Variants in DUS1L observed in about 807,000 individuals in gnomAD.
DUS1L encodes tRNA-dihydrouridine(16/17) synthase [NAD(P)(+)]-like.
A neutral mutation model predicts 61.2 loss-of-function variants in DUS1L; 56 were observed. The observed-to-expected ratio is 0.92, with a 90% CI of 0.74 to 1.14. The LOEUF is 1.14. Among genes scored for constraint, DUS1L ranks in the 50% most tolerant of loss-of-function variants. DUS1L has a pLI of 0.00. For missense variants in DUS1L, 630 were observed against 632.4 expected (o/e 1.00, Z 0.04); for synonymous variants, 278 against 259.5 (o/e 1.07, Z -0.69).
At chr17:82,061,774 T>C in intron 6 of DUS1L, 53 bp from the exon 7 acceptor site, 1 of 1,600,998 alleles carries the variant, frequency 6.2e-7, no homozygotes, top group East Asian at 2.2e-5. Flanking sequence ...ACCCAGGTGA[T>C]GCTGCCCCCA....
At position 82,059,972 on chromosome 17, in the gene DUS1L, T is replaced by C. The variant is rs1314320139; in HGVS notation, c.1144A>G (p.Lys382Glu). Residue 382 changes from lysine (K) to glutamate (E), a missense_variant, in exon 11 of 14, where the codon AAG becomes GAG. Coordinates refer to ENST00000306796, the MANE Select transcript of DUS1L (RefSeq NM_022156.5). ...CGCTTCAGAGAGGGGTCGAAGGTCT[T>C]GTGGGGGTTCCTCAGCTGCTTCTTT... The part of the protein sequence containing the change: ...KQKKQLRNPH[K>E]TFDPSLKPKY... The C allele has an allele frequency of 1.2e-6, 2 of 1,613,812 alleles. No homozygotes were observed. The highest frequency in any genetic ancestry group is 1.7e-6 in the Non-Finnish European group (2 of 1,179,976).
chr17:82,064,731 G>A, intron 2 of DUS1L, 92 bp downstream of exon 2: 3 of 1,306,512 alleles, frequency 2.3e-6, no homozygotes, highest in South Asian at 2.8e-5. Flanking sequence ...AAGGCTGAAA[G>A]TGATGTCCCG....
intron 2 of DUS1L, 131 bp downstream of exon 2, chr17:82,064,692 T>C (rs1048773767): frequency 4.3e-6 from 4 of 936,694 alleles, no homozygotes; most frequent in Non-Finnish European, 6.3e-6. Flanking sequence ...ACCTTCTCCC[T>C]CTCCTCCTGG....
At position 82,058,668 on chromosome 17, in the gene DUS1L, C is replaced by T. The variant is rs773990146; in HGVS notation, c.1206+113G>A. ...GAGGCATCCATGCCACCTTGAGCCA[C>T]GTTGCAAACCCAGCTGGGCGGGCAC... On this transcript the variant is annotated intron_variant, in intron 12 of 13. Coordinates refer to ENST00000306796, the MANE Select transcript of DUS1L (RefSeq NM_022156.5). 1.6e-5 allele frequency: 25 copies of T among 1,565,952 alleles called. No homozygotes were observed. In the Admixed American group the frequency reaches 2.3e-4, roughly 14 times the overall value.
At position 82,061,283 on chromosome 17, in the gene DUS1L, A is replaced by G. The variant is rs1003589158; in HGVS notation, c.768T>C (p.Tyr256=). ...SPAVWELAEE[Y]LDIVREHPCP... is the part of the protein sequence containing the mutation. ...AGGGGTGCTCCCGCACGATGTCCAGATACTCCTCGGCCAGCTCCCACACGG... is the reference window on the plus strand; with the variant it reads ...AGGGGTGCTCCCGCACGATGTCCAGGTACTCCTCGGCCAGCTCCCACACGG... The change falls in exon 8 of 14, where the codon TAT becomes TAC. Residue 256 remains tyrosine, a synonymous_variant. Transcript: ENST00000306796. 6 of 1,611,164 alleles carry G rather than the reference A, an allele frequency of 3.7e-6. No individual in the cohort carries two copies. Among genetic ancestry groups the G allele is most frequent in the Admixed American group, 1.7e-5 (1 of 59,890 alleles).
In DUS1L at chr17:82,064,938, G is replaced by GC. The variant is rs1256202022; in HGVS notation, c.121dup (p.Ala41GlyfsTer44). On this transcript the variant is annotated frameshift_variant, in exon 2 of 14. Transcript: ENST00000306796. LOFTEE classifies it high-confidence loss of function. ...CAGCATGGGCGTGTAGCAGAGCTGT[G>GC]CCCCGTGGCGCCGGCTCAGCAGCCT... is the stretch of plus-strand genomic sequence containing the variant. 7 of 1,612,466 alleles carry GC rather than the reference G, an allele frequency of 4.3e-6. No homozygotes were observed. The highest frequency in any genetic ancestry group is 2.5e-6 in the Non-Finnish European group (3 of 1,179,862).
In DUS1L at chr17:82,058,074, C is replaced by A; in HGVS notation, c.*41G>T. ...GGCATTTTCTTAAGTAGGACGTGTC[C>A]AGGCTCCAGCAGCAGTCCTGGGGGT... On this transcript the variant is annotated 3_prime_UTR_variant, in exon 14 of 14. Coordinates refer to ENST00000306796, the MANE Select transcript of DUS1L (RefSeq NM_022156.5). 6.7e-7 allele frequency: 1 copy of A among 1,491,956 alleles called. No individual in the cohort carries two copies. 92.4% of individuals were successfully genotyped at this position (1,491,956 alleles called of 1,614,324 possible).
chr17:82,059,946 AC>A lies in DUS1L; in HGVS notation c.1168+1del, dbSNP rs2033390721. 1.9e-6 allele frequency: 3 copies of A among 1,613,934 alleles called. No individual in the cohort carries two copies. The highest frequency in any genetic ancestry group is 2.5e-6 in the Non-Finnish European group (3 of 1,179,944). On this transcript the variant is annotated splice_donor_variant, in intron 11 of 13. Coordinates refer to ENST00000306796, the MANE Select transcript of DUS1L (RefSeq NM_022156.5). LOFTEE classifies it high-confidence loss of function. ...GGGCCCATCAGCGGAAGCAGCACTT[AC>A]GCTTCAGAGAGGGGTCGAAGGTCTT...
In DUS1L at chr17:82,060,694, C is replaced by G. The variant is rs1182796769; in HGVS notation, c.1022+7G>C. 1 of 1,612,032 alleles carries G rather than the reference C, an allele frequency of 6.2e-7. No homozygotes were observed. ...ACATCCCCGCCCAGGGCTGGCTGGGCTCTCACCCCGGCCGGATGTAGGGCT... is the reference window on the plus strand; with the variant it reads ...ACATCCCCGCCCAGGGCTGGCTGGGGTCTCACCCCGGCCGGATGTAGGGCT... On this transcript the variant is annotated splice_region_variant and intron_variant, in intron 10 of 13. Transcript: ENST00000306796.
At chr17:82,059,461 A>G (rs963192725) in intron 11 of DUS1L, 1 of 167,264 alleles carries the variant, frequency 6.0e-6, no homozygotes, top group African/African-American at 2.4e-5. Flanking sequence ...GGCCCAGGAT[A>G]CGGCGGCGAC....
chr17:82,061,166 G>A (rs1472745497), intron 8 of DUS1L, 43 bp downstream of exon 8: 1 of 1,559,252 alleles, frequency 6.4e-7, no homozygotes, highest in Admixed American at 1.8e-5. Flanking sequence ...GAATCTGCCT[G>A]GGCGGCCCTC....
At chr17:82,065,487 C>G (rs936922185) in intron 1 of DUS1L, 126 bp downstream of exon 1, 52 of 164,114 alleles carry the variant, frequency 3.2e-4, no homozygotes, top group Non-Finnish European at 5.6e-4. Context: ...TCTCCGCACC[C>G]GGCCAGGCGG....
Position 82,061,253 on chromosome 17 carries a change from G to C in DUS1L, c.798C>G (p.Pro266=), listed in dbSNP as rs775607556. 12 of 1,609,420 alleles carry C rather than the reference G, an allele frequency of 7.5e-6. No individual in the cohort carries two copies. In the African/African-American group the frequency reaches 1.3e-4, roughly 18 times the overall value. The change falls in exon 8 of 14, where the codon CCC becomes CCG. Residue 266 remains proline, a synonymous_variant. Transcript: ENST00000306796. ...AGAGGTGGGCCCGGACGTAGGACAGGGGGCAGGGGTGCTCCCGCACGATGT... is the reference window on the plus strand; with the variant it reads ...AGAGGTGGGCCCGGACGTAGGACAGCGGGCAGGGGTGCTCCCGCACGATGT... ...YLDIVREHPC[P]LSYVRAHLFK...
intron 11 of DUS1L, chr17:82,059,257 T>G: frequency 5.9e-6 from 1 of 168,894 alleles, no homozygotes; most frequent in Non-Finnish European, 1.3e-5. Flanking sequence ...AGCTGCCTCA[T>G]TCAGTGGCCT....
chr17:82,062,833 A>G, intron 5 of DUS1L, 28 bp downstream of exon 5: 3 of 1,587,552 alleles, frequency 1.9e-6, no homozygotes, highest in Middle Eastern at 1.7e-4. Context: ...GCTGAGGCCC[A>G]TGACACCCCC....
Position 82,058,340 on chromosome 17 carries a change from C to T in DUS1L, c.1282+1G>A, listed in dbSNP as rs1232791807. The T allele has an allele frequency of 1.3e-6, 2 of 1,508,370 alleles. No individual in the cohort carries two copies. The highest frequency in any genetic ancestry group is 8.9e-7 in the Non-Finnish European group (1 of 1,125,498). 93.4% of individuals were successfully genotyped at this position (1,508,370 alleles called of 1,614,324 possible). ...GCGGGGCGGGTGGTAGGCGCCCTCA[C>T]CTGGGCAGTCTGCAGTCTCTTTGGA... is the stretch of plus-strand genomic sequence containing the variant. On this transcript the variant is annotated splice_donor_variant, in intron 13 of 13. Coordinates refer to ENST00000306796, the MANE Select transcript of DUS1L (RefSeq NM_022156.5). LOFTEE classifies it high-confidence loss of function.
chr17:82,060,137 G>A (rs888907913), intron 10 of DUS1L, 44 bp from the exon 11 acceptor site: 1 of 1,590,814 alleles, frequency 6.3e-7, no homozygotes, highest in Non-Finnish European at 8.5e-7. Context: ...ACTGTGAGAG[G>A]GGCCCAGCAG....
At position 82,061,968 on chromosome 17, in the gene DUS1L, C is replaced by T; in HGVS notation, c.526G>A (p.Gly176Arg). The T allele has an allele frequency of 4.4e-6, 7 of 1,607,826 alleles. No homozygotes were observed. Among genetic ancestry groups the T allele is most frequent in the South Asian group, 2.2e-5 (2 of 90,426 alleles). The change falls in exon 6 of 14, where the codon GGA becomes AGA. Residue 176 changes from glycine (G) to arginine (R), a missense_variant. Gly to Arg is a moderately radical substitution (Grantham distance 125). Transcript: ENST00000306796. ...GGCCCCTTCTGCTCCTTGGTGCGTC[C>T]GTGCACCGTCAGCAACTAGGACAGA... Reference protein sequence around the residue: ...KAGCQLLTVHGRTKEQKGPLS... With the variant: ...KAGCQLLTVHRRTKEQKGPLS...
rs751726069 is a variant in DUS1L, at chr17:82,060,707, C to A, written c.1016G>T (p.Arg339Leu). The A allele has an allele frequency of 1.2e-6, 2 of 1,612,698 alleles. No homozygotes were observed. Among genetic ancestry groups the A allele is most frequent in the East Asian group, 4.5e-5 (2 of 44,844 alleles). ...PFHWICQPYIRPGPREGSKEK... is the reference protein window; with the variant it reads ...PFHWICQPYILPGPREGSKEK... ...GGGCTGGCTGGGCTCTCACCCCGGCCGGATGTAGGGCTGGCAGATCCAGTG... is the reference window on the plus strand; with the variant it reads ...GGGCTGGCTGGGCTCTCACCCCGGCAGGATGTAGGGCTGGCAGATCCAGTG... Residue 339 changes from arginine (R) to leucine (L), a missense_variant, in exon 10 of 14, where the codon CGG (arginine) becomes CTG (leucine). Coordinates refer to ENST00000306796, the MANE Select transcript of DUS1L (RefSeq NM_022156.5).
Sources: allele counts gnomAD v4.1 joint callset, GRCh38; gene constraint gnomAD v4.1.1; transcripts MANE v1.5; gene names NCBI Gene and HGNC (gene_info 2026-07-23, HGNC 2026-07-21).